FYB2: variants seen among roughly 807,000 people sequenced by gnomAD.
The protein encoded by FYB2 is FYN-binding protein 2.
FYB2 carries 103 observed loss-of-function variants against 94.1 expected under a neutral mutation model. That is an observed-to-expected ratio of 1.09 (90% CI 0.93 to 1.29). The LOEUF (loss-of-function observed/expected upper bound fraction) is 1.29, where lower values mean the gene tolerates loss of function less well. Among genes scored for constraint, FYB2 ranks in the 50% most tolerant of loss-of-function variants. The pLI is 0.00. For missense variants in FYB2, 896 were observed against 841.5 expected, an observed-to-expected ratio of 1.06 and a Z score of -0.80; for synonymous variants, 293 against 287.9, an observed-to-expected ratio of 1.02 and a Z score of -0.18.
intron 1 of FYB2, among the ~76,000 whole-genome samples, chr1:56,817,506 A>T (rs1646910202): frequency 6.6e-6 from 1 of 152,104 alleles, no homozygotes; most frequent in African/African-American, 2.4e-5. Flanking sequence ...ACCCATATAT[A>T]GATTTTTTTG....
chr1:56,770,053 G>A (rs1200226619), intron 4 of FYB2, among the ~76,000 whole-genome samples: 4 of 152,054 alleles, frequency 2.6e-5, no homozygotes, highest in East Asian at 3.9e-4. Flanking sequence ...GGGTACACAC[G>A]AATGCGTATA....
At chr1:56,789,710 C>T (rs1440098421) in intron 2 of FYB2, among the ~76,000 whole-genome samples, 5 of 152,122 alleles carry the variant, frequency 3.3e-5, no homozygotes, top group Admixed American at 2.0e-4. Flanking sequence ...AATATCATGG[C>T]ACATTGGAGG....
intron 3 of FYB2, among the ~76,000 whole-genome samples, chr1:56,788,128 G>C (rs564682404): frequency 2.0e-5 from 3 of 152,276 alleles, no homozygotes; most frequent in Admixed American, 2.0e-4. Context: ...AGCAATCTAT[G>C]TTTTAAAAAG....
intron 4 of FYB2, among the ~76,000 whole-genome samples, chr1:56,769,626 T>C (rs541774141): frequency 1.3e-5 from 2 of 152,220 alleles, no homozygotes; most frequent in East Asian, 3.9e-4. Context: ...AGGATGGAGA[T>C]TTTGATTAAC....
At chr1:56,822,785 A>T (rs1647000269), upstream of FYB2, among the ~76,000 whole-genome samples, 1 of 152,138 alleles carries the variant, frequency 6.6e-6, no homozygotes, top group African/African-American at 2.4e-5. Flanking sequence ...AGATCTGAAA[A>T]TGGGAAATCA....
chr1:56,787,539 ATGTT>A (rs2100940691), intron 3 of FYB2, among the ~76,000 whole-genome samples: 2 of 152,358 alleles, frequency 1.3e-5, no homozygotes, highest in South Asian at 4.1e-4. Flanking sequence ...TAGCTGCTCA[ATGTT>A]TGTTTCAAAT....
chr1:56,807,901 T>C (rs926959084), intron 1 of FYB2, among the ~76,000 whole-genome samples: 2 of 152,210 alleles, frequency 1.3e-5, no homozygotes, highest in African/African-American at 4.8e-5. Context: ...ATTTACTGTA[T>C]TGCCAATTAA....
chr1:56,755,631 C>T (rs568852640), intron 7 of FYB2, among the ~76,000 whole-genome samples: 97 of 152,226 alleles, frequency 6.4e-4, no homozygotes, highest in Non-Finnish European at 1.3e-3. Flanking sequence ...ACTGCCAAAG[C>T]CCCACTGGTG....
At chr1:56,799,766 C>T (rs998387836) in intron 1 of FYB2, among the ~76,000 whole-genome samples, 4 of 152,090 alleles carry the variant, frequency 2.6e-5, no homozygotes, top group Non-Finnish European at 4.4e-5. Context: ...CTGAGTTTAC[C>T]CTGCTGCCAC....
intron 5 of FYB2, among the ~76,000 whole-genome samples, chr1:56,763,907 C>T (rs1446059549): frequency 6.7e-6 from 1 of 149,894 alleles, no homozygotes; most frequent in African/African-American, 2.4e-5. Context: ...GATTGCATTT[C>T]TTTTAGATTT....
chr1:56,762,141 A>G (rs1015020049), intron 5 of FYB2: 2 of 152,164 alleles, frequency 1.3e-5, no homozygotes, highest in Non-Finnish European at 2.9e-5. Context: ...TATACTGATA[A>G]TTCTTAAAAC....
In FYB2 at chr1:56,719,364, T is replaced by G; in HGVS notation, c.*307A>C. 3.5e-6 allele frequency: 1 copy of G among 287,932 alleles called. No individual in the cohort carries two copies. The allele number at this position is 287,932 out of a possible 1,614,324, so 17.8% of individuals were successfully genotyped here. ...CTGACTAGGTGCCATAAGGCATGAT[T>G]TCTAACTTTGGATATGGCTCATTAA... On this transcript the variant is annotated 3_prime_UTR_variant, in exon 20 of 20. Transcript: ENST00000343433.
At chr1:56,799,405 T>C (rs938877531) in intron 1 of FYB2, among the ~76,000 whole-genome samples, 3 of 152,174 alleles carry the variant, frequency 2.0e-5, no homozygotes, top group South Asian at 2.1e-4. Context: ...AATCACACCA[T>C]TGAAACAAAC....
Position 56,805,453 on chromosome 1 carries a change from G to A in FYB2, c.10-12650C>T, listed in dbSNP as rs540705964. The stretch of plus-strand genomic sequence containing the variant: ...CACATAGCAGCTTGTGTATGTTGTC[G>A]TGTATGTTGTCTCAATTACCATAAT... On this transcript the variant is annotated intron_variant, in intron 1 of 19. Coordinates refer to ENST00000343433, the MANE Select transcript of FYB2 (RefSeq NM_001004303.5). Among the ~76,000 whole-genome samples the A allele has an allele frequency of 5.9e-5, 9 of 152,260 alleles. No homozygotes were observed. The East Asian group carries it at 7.7e-4, about 13-fold the overall frequency.
intron 7 of FYB2, among the ~76,000 whole-genome samples, chr1:56,754,532 C>T (rs978401353): frequency 2.0e-5 from 3 of 152,086 alleles, no homozygotes; most frequent in Admixed American, 2.0e-4. Flanking sequence ...CTCCACTTTG[C>T]CTTGTCAACC....
intron 1 of FYB2, among the ~76,000 whole-genome samples, chr1:56,797,777 A>G (rs1406678084): frequency 6.6e-6 from 1 of 152,226 alleles, no homozygotes; most frequent in Non-Finnish European, 1.5e-5. Context: ...TCATATTTAC[A>G]ATAACAGGTT....
At chr1:56,805,524 T>C (rs1646624828) in intron 1 of FYB2, among the ~76,000 whole-genome samples, 1 of 152,146 alleles carries the variant, frequency 6.6e-6, no homozygotes, top group Admixed American at 6.5e-5. Context: ...ATGACAAAAG[T>C]CAGGATCAGA....
chr1:56,720,355 C>G, intron 17 of FYB2, 26 bp from the exon 18 acceptor site: 1 of 1,568,578 alleles, frequency 6.4e-7, no homozygotes, highest in Non-Finnish European at 8.6e-7. Flanking sequence ...ACTAATCAGA[C>G]CATTCTTGCA....
intron 1 of FYB2, among the ~76,000 whole-genome samples, chr1:56,806,440 C>T (rs998354227): frequency 2.0e-5 from 3 of 152,064 alleles, no homozygotes; most frequent in African/African-American, 7.2e-5. Flanking sequence ...GTGTGGGTTT[C>T]TGGAGTGGGG....
Sources: allele counts gnomAD v4.1 joint callset (sites outside exome capture counted in the v4.1 genomes callset), GRCh38; gene constraint gnomAD v4.1.1; transcripts MANE v1.5; gene names NCBI Gene and HGNC (gene_info 2026-07-23, HGNC 2026-07-21).